Variants in ANKRD30BL observed in about 807,000 individuals in gnomAD.
ANKRD30BL encodes the protein ankyrin repeat domain 30B like, also known as putative ankyrin repeat domain-containing protein 30B-like.
In ANKRD30BL, 20 loss-of-function variants were observed where a neutral mutation model predicts 18.4. The observed-to-expected ratio is 1.09, with a 90% CI of 0.77 to 1.58. ANKRD30BL has a LOEUF of 1.58. Ranked by LOEUF, ANKRD30BL falls within the 40% of genes most tolerant of loss-of-function variation. ANKRD30BL has a pLI of 0.00. For missense variants in ANKRD30BL, 224 were observed against 268.6 expected (o/e 0.83, Z 1.16); for synonymous variants, 72 against 100.9 (o/e 0.71, Z 1.72).
chr2:132,164,269 C>CTTTTTTTTTTTTTTTTTTTTTTTTT (rs796313755), upstream of ANKRD30BL, among the ~76,000 whole-genome samples: 29 of 112,194 alleles, frequency 2.6e-4, 2 homozygotes, highest in East Asian at 1.2e-3. Context: ...TTTTCTTTTT[C>CTTTTTTTTTTTTTTTTTTTTTTTTT]TTTTTTTTTT....
intron 1 of ANKRD30BL, among the ~76,000 whole-genome samples, chr2:132,181,303 G>A (rs1432290156): frequency 6.6e-6 from 1 of 151,698 alleles, no homozygotes; most frequent in Non-Finnish European, 1.5e-5. Flanking sequence ...GCGAAACCCC[G>A]TCTCCATTAA....
intron 1 of ANKRD30BL, among the ~76,000 whole-genome samples, chr2:132,235,754 C>A (rs936445154): frequency 1.3e-5 from 2 of 152,034 alleles, no homozygotes; most frequent in Non-Finnish European, 2.9e-5. Flanking sequence ...ATGAAAATGG[C>A]CATACTGCCC....
chr2:132,212,061 G>T (rs960067734), intron 1 of ANKRD30BL, among the ~76,000 whole-genome samples: 1 of 151,708 alleles, frequency 6.6e-6, no homozygotes, highest in Non-Finnish European at 1.5e-5. Flanking sequence ...GGCAGCCTAT[G>T]GTGGAAAAGG....
rs1472932864 is a variant in ANKRD30BL, at chr2:132,161,702, C to G, written c.4G>C (p.Glu2Gln). 7.0e-7 allele frequency: 1 copy of G among 1,424,516 alleles called. No individual in the cohort carries two copies. The highest frequency in any genetic ancestry group is 9.7e-7 in the Non-Finnish European group (1 of 1,034,146). The allele number at this position is 1,424,516 out of a possible 1,614,324, so 88.2% of individuals were successfully genotyped here. The change falls in exon 1 of 6, where the codon GAG becomes CAG. Residue 2 changes from glutamate to glutamine, a missense_variant. Physicochemically the swap from Glu to Gln is conservative, Grantham distance 29 (BLOSUM62 2). Coordinates refer to ENST00000409867, the MANE Select transcript of ANKRD30BL (RefSeq NM_001358416.1). MERLSAAPVKGQ... is the reference protein window; with the variant it reads MQRLSAAPVKGQ... ...TTGACAGGGGCGGCAGAGAGCCTCT[C>G]CATGGCTGCAGCCACCTGCTAGAGA...
At chr2:132,229,582 T>C (rs1158260947) in intron 1 of ANKRD30BL, among the ~76,000 whole-genome samples, 2 of 152,194 alleles carry the variant, frequency 1.3e-5, no homozygotes, top group African/African-American at 4.8e-5. Flanking sequence ...AAGTTGTTAT[T>C]TGGAACTCTG....
intron 1 of ANKRD30BL, among the ~76,000 whole-genome samples, chr2:132,188,240 T>C (rs1163022060): frequency 1.3e-5 from 2 of 152,086 alleles, no homozygotes; most frequent in African/African-American, 2.4e-5. Flanking sequence ...TCTATACCAT[T>C]GCCAAAAAAA....
At chr2:132,193,075 C>CA (rs1281898760) in intron 1 of ANKRD30BL, among the ~76,000 whole-genome samples, 2 of 152,154 alleles carry the variant, frequency 1.3e-5, no homozygotes, top group African/African-American at 4.8e-5. Context: ...CGTTAACACT[C>CA]ACAAGAAAGC....
intron 1 of ANKRD30BL, among the ~76,000 whole-genome samples, chr2:132,222,085 C>T (rs185073579): frequency 5.6e-5 from 6 of 106,348 alleles, no homozygotes; most frequent in Non-Finnish European, 1.1e-4. Context: ...GGAGGGAGGT[C>T]GGGGGGTCAG....
At position 132,161,481 on chromosome 2, in the gene ANKRD30BL, C is replaced by T; in HGVS notation, c.218+7G>A. The T allele has an allele frequency of 6.9e-7, 1 of 1,454,712 alleles. No individual in the cohort carries two copies. Among genetic ancestry groups the T allele is most frequent in the Non-Finnish European group, 9.4e-7 (1 of 1,061,608 alleles). The allele number at this position is 1,454,712 out of a possible 1,614,324, so 90.1% of individuals were successfully genotyped here. Reference sequence around the variant, plus strand: ...CCTGCAGCCCCGGCTCAGGCAGGGCCTGGTACCTCTTCTTCGCATCTCTTA... The same window carrying T: ...CCTGCAGCCCCGGCTCAGGCAGGGCTTGGTACCTCTTCTTCGCATCTCTTA... On this transcript the variant is annotated splice_region_variant and intron_variant, in intron 1 of 5. Coordinates refer to ENST00000409867, the MANE Select transcript of ANKRD30BL (RefSeq NM_001358416.1).
chr2:132,203,372 A>G (rs2104749551), intron 1 of ANKRD30BL, among the ~76,000 whole-genome samples: 1 of 152,350 alleles, frequency 6.6e-6, no homozygotes, highest in East Asian at 1.9e-4. Context: ...CTTTTAATAA[A>G]TAACTAGGGA....
In ANKRD30BL at chr2:132,180,964, G is replaced by A. The variant is rs190825451; in HGVS notation, n.442-23818C>T. On this transcript the variant is annotated intron_variant and non_coding_transcript_variant, in intron 1 of 4. Coordinates refer to the ANKRD30BL transcript ENST00000470729. Reference sequence around the variant, plus strand: ...ACATTGAGACCATCCTGGCTAACATGGTGAAACTCCATCTCTACTAAACAT... The same window carrying A: ...ACATTGAGACCATCCTGGCTAACATAGTGAAACTCCATCTCTACTAAACAT... Among the ~76,000 whole-genome samples, 20 of 152,012 alleles carry A rather than the reference G, an allele frequency of 1.3e-4. No individual in the cohort carries two copies. The East Asian group carries it at 3.3e-3, about 25-fold the overall frequency.
chr2:132,249,156 T>C (rs144291256), intron 1 of ANKRD30BL, among the ~76,000 whole-genome samples: 52 of 142,198 alleles, frequency 3.7e-4, no homozygotes, highest in South Asian at 4.4e-4. Flanking sequence ...GGCCTCAAAG[T>C]GTTCACAAAT....
Position 132,147,860 on chromosome 2 carries a change from G to A in ANKRD30BL, c.*271C>T. ...AGTTACAGAGCAGGTGTCTAAGGAT[G>A]ACTAAGGACAGAGCAGGTTACTAAG... On this transcript the variant is annotated 3_prime_UTR_variant, in exon 6 of 6. Transcript: ENST00000409867. 2.5e-6 allele frequency: 1 copy of A among 400,036 alleles called. No individual in the cohort carries two copies. The highest frequency in any genetic ancestry group is 4.7e-6 in the Non-Finnish European group (1 of 212,020). The allele number at this position is 400,036 out of a possible 1,614,324, so 24.8% of individuals were successfully genotyped here.
chr2:132,148,473 A>G (rs1687672879), intron 5 of ANKRD30BL, among the ~76,000 whole-genome samples: 1 of 144,432 alleles, frequency 6.9e-6, no homozygotes. Context: ...AGGTTCATGA[A>G]ATTCTCCTAC....
exon 1 of ANKRD30BL, chr2:132,257,936 GCCCCTCGGCGGCCGGC>G (rs1414512977): frequency 6.5e-6 from 1 of 153,620 alleles, no homozygotes; most frequent in Non-Finnish European, 1.5e-5. Flanking sequence ...CAGAACGGTA[GCCCCTCGGCGGCCGGC>G]CGGCGCACGC....
At chr2:132,247,283 G>T (rs186816128) in intron 1 of ANKRD30BL, among the ~76,000 whole-genome samples, 2 of 151,426 alleles carry the variant, frequency 1.3e-5, no homozygotes, top group Admixed American at 1.3e-4. Context: ...GTGGATATTT[G>T]GAGCGCTTTG....
chr2:132,175,814 A>G (rs570624828), intron 1 of ANKRD30BL, among the ~76,000 whole-genome samples: 14 of 152,320 alleles, frequency 9.2e-5, no homozygotes, highest in South Asian at 6.2e-4. Flanking sequence ...AACAAGGCAC[A>G]TCCTGCACAG....
In ANKRD30BL at chr2:132,224,022, C is replaced by A. The variant is rs150736748; in HGVS notation, n.441+33507G>T. Among the ~76,000 whole-genome samples, 1,265 of 152,180 alleles carry A rather than the reference C, an allele frequency of 8.3e-3. 14 individuals carry two copies. Among genetic ancestry groups the A allele is most frequent in the African/African-American group, 0.028 (1,180 of 41,536 alleles). ...ACTTCTTTGTGATGTGTACATTCAA[C>A]GCACAGAGTTGAACCTTTCTTTTGA... On this transcript the variant is annotated intron_variant and non_coding_transcript_variant, in intron 1 of 4. Coordinates refer to the ANKRD30BL transcript ENST00000470729.
intron 1 of ANKRD30BL, among the ~76,000 whole-genome samples, chr2:132,188,525 A>G (rs1035446314): frequency 5.4e-4 from 82 of 152,324 alleles, no homozygotes; most frequent in African/African-American, 1.9e-3. Context: ...CCTGGCTAAC[A>G]GGGTGAAACC....
Sources: gnomAD v4.1 joint callset for allele counts (sites outside exome capture counted in the v4.1 genomes callset) on GRCh38, gnomAD v4.1.1 for gene constraint, MANE v1.5 for transcripts, NCBI Gene and HGNC (gene_info 2026-07-23, HGNC 2026-07-21) for gene names.